Variants in THAP4 observed in about 807,000 individuals in gnomAD.
THAP4 encodes peroxynitrite isomerase THAP4.
THAP4 carries 18 observed loss-of-function variants against 48.1 expected under a neutral mutation model. That is an observed-to-expected ratio of 0.37 (90% CI 0.26 to 0.56). The LOEUF is 0.56. Ranked by LOEUF, THAP4 falls within the 20% of genes least tolerant of loss-of-function variation. The pLI is 0.78. For synonymous variants in THAP4, 345 were observed against 324.9 expected, an observed-to-expected ratio of 1.06 and a Z score of -0.66; for missense variants, 656 against 774.9, an observed-to-expected ratio of 0.85 and a Z score of 1.82.
At chr2:241,630,325 A>G (rs905947495) in intron 2 of THAP4, among the ~76,000 whole-genome samples, 6 of 152,172 alleles carry the variant, frequency 3.9e-5, no homozygotes, top group Admixed American at 1.3e-4. Context: ...CACGCCAGGA[A>G]CCAGAACTAC....
chr2:241,634,215 A>G (rs2067608699), intron 1 of THAP4, 136 bp from the exon 2 acceptor site: 1 of 624,592 alleles, frequency 1.6e-6, no homozygotes, highest in Non-Finnish European at 2.7e-6. Context: ...AAAATACTTC[A>G]AAAAGATTTA....
At position 241,633,937 on chromosome 2, in the gene THAP4, G is replaced by A. The variant is rs1319129523; in HGVS notation, c.220C>T (p.Arg74Cys). ...GGCACGGCCGTGGGCTTCAGCAGGC[G>A]ATGCTGGTCCTCCAGCCTCTTGGAG... ...SFSKRLEDQHRLLKPTAVPSI... is the reference protein window; with the variant it reads ...SFSKRLEDQHCLLKPTAVPSI... Residue 74 changes from arginine (R) to cysteine (C), a missense_variant, in exon 2 of 6, where the codon CGC becomes TGC. Arg to Cys is a radical substitution (Grantham distance 180). Coordinates refer to ENST00000407315, the MANE Select transcript of THAP4 (RefSeq NM_015963.6). The surrounding 1 kb of genome is among the most constrained non-coding windows in gnomAD (Gnocchi z 7.5). The A allele has an allele frequency of 3.1e-6, 5 of 1,614,148 alleles. No individual in the cohort carries two copies. The highest frequency in any genetic ancestry group is 3.4e-6 in the Non-Finnish European group (4 of 1,180,040).
upstream of THAP4, chr2:241,637,284 G>A (rs941869962): frequency 5.5e-5 from 61 of 1,115,488 alleles, no homozygotes; most frequent in Non-Finnish European, 5.9e-5. Flanking sequence ...TCCGTCGGCA[G>A]GCGGGCAGAC....
chr2:241,623,451 G>A (rs34396739), intron 2 of THAP4, among the ~76,000 whole-genome samples: 2 of 151,724 alleles, frequency 1.3e-5, no homozygotes, highest in Admixed American at 6.6e-5. Context: ...ATGGTGGCAC[G>A]CATCTGTAGT....
intron 3 of THAP4, among the ~76,000 whole-genome samples, chr2:241,604,787 G>A (rs2067159103): frequency 1.3e-5 from 2 of 148,480 alleles, no homozygotes; most frequent in African/African-American, 5.0e-5. Flanking sequence ...TGGACTCCTG[G>A]ACTCAAGTGA....
At chr2:241,593,199 C>T (rs1010324762) in intron 5 of THAP4, among the ~76,000 whole-genome samples, 9 of 152,004 alleles carry the variant, frequency 5.9e-5, no homozygotes, top group East Asian at 1.9e-4. Flanking sequence ...GAGCCGAGAT[C>T]GCACTGCTGC....
intron 2 of THAP4, among the ~76,000 whole-genome samples, chr2:241,614,158 A>G (rs1026558218): frequency 8.4e-5 from 12 of 143,596 alleles, no homozygotes; most frequent in Admixed American, 2.8e-4. Flanking sequence ...CTGCCTTGAG[A>G]AAAAAAAAAA....
chr2:241,636,141 T>C (rs142047410), intron 1 of THAP4, among the ~76,000 whole-genome samples: 8,065 of 152,334 alleles, frequency 0.053, 409 homozygotes, highest in African/African-American at 0.13. Flanking sequence ...CTAATTCTTA[T>C]AATACATTGT....
intron 3 of THAP4, among the ~76,000 whole-genome samples, chr2:241,605,850 T>G (rs1165289254): frequency 6.6e-6 from 1 of 152,038 alleles, no homozygotes; most frequent in African/African-American, 2.4e-5. Context: ...CTCGAGTAGC[T>G]GGGACTACAG....
At chr2:241,631,775 A>C (rs549018080) in intron 2 of THAP4, among the ~76,000 whole-genome samples, 1 of 152,274 alleles carries the variant, frequency 6.6e-6, no homozygotes, top group South Asian at 2.1e-4. Flanking sequence ...TACACACCAA[A>C]TTTTTAATAA....
Position 241,633,740 on chromosome 2 carries a change from T to C in THAP4, c.417A>G (p.Pro139=), listed in dbSNP as rs145527554. 15 of 1,612,024 alleles carry C rather than the reference T, an allele frequency of 9.3e-6. No individual in the cohort carries two copies. The African/African-American group carries it at 1.9e-4, about 20-fold the overall frequency. ...PSSSGNPMAK[P]ESRRLKQAAL... is the part of the protein sequence containing the mutation. ...CAGCTTGCTTCAACCTGCGGGACTCTGGCTTGGCCATCGGGTTTCCACTCG... is the reference window on the plus strand; with the variant it reads ...CAGCTTGCTTCAACCTGCGGGACTCCGGCTTGGCCATCGGGTTTCCACTCG... Residue 139 remains proline (P), a synonymous_variant, in exon 2 of 6, where the codon CCA becomes CCG. Coordinates refer to ENST00000407315, the MANE Select transcript of THAP4 (RefSeq NM_015963.6). The surrounding 1 kb of genome is among the most constrained non-coding windows in gnomAD (Gnocchi z 7.5).
chr2:241,629,946 A>G (rs1472151332), intron 2 of THAP4, among the ~76,000 whole-genome samples: 2 of 152,084 alleles, frequency 1.3e-5, no homozygotes, highest in Non-Finnish European at 2.9e-5. Context: ...GGCGGGAACA[A>G]TATAACCAAG....
chr2:241,631,641 T>C (rs2067562814), intron 2 of THAP4, among the ~76,000 whole-genome samples: 1 of 152,074 alleles, frequency 6.6e-6, no homozygotes, highest in African/African-American at 2.4e-5. Context: ...AATTTTTAAA[T>C]TATTTATAGA....
At position 241,619,678 on chromosome 2, in the gene THAP4, AGTGAGGG is replaced by A. The variant is rs1459979020; in HGVS notation, c.1241-13212_1241-13206del. Reference sequence around the variant, plus strand: ...GGGTGAGTTGGTGAGTAAGTTGGTAAGTGAGGGGTGAGGGGTGAGTGAGTCGGTGAGT... The same window carrying A: ...GGGTGAGTTGGTGAGTAAGTTGGTAAGTGAGGGGTGAGTGAGTCGGTGAGT... On this transcript the variant is annotated intron_variant, in intron 2 of 5. Coordinates refer to ENST00000407315, the MANE Select transcript of THAP4 (RefSeq NM_015963.6). 2.8e-4 allele frequency among the ~76,000 whole-genome samples: 42 copies of A among 151,872 alleles called. 2 individuals carry two copies. The highest frequency in any genetic ancestry group is 1.0e-3 in the African/African-American group (42 of 41,398).
At chr2:241,636,612 C>A (rs1384944260) in intron 1 of THAP4, among the ~76,000 whole-genome samples, 2 of 152,188 alleles carry the variant, frequency 1.3e-5, no homozygotes, top group Admixed American at 1.3e-4. Context: ...CCCGCGCGGT[C>A]CGGAGAGTCA....
chr2:241,610,466 C>A lies in THAP4; in HGVS notation c.1241-3993G>T, dbSNP rs1365978772. Among the ~76,000 whole-genome samples the A allele has an allele frequency of 6.6e-6, 1 of 152,296 alleles. No individual in the cohort carries two copies. The highest frequency in any genetic ancestry group is 1.9e-4 in the East Asian group (1 of 5,172). ...GTGGGGCGCGCTCACTGGCTGCCAC[C>A]TCACCTAGCAGGCGTCACAGGGCTC... is the stretch of plus-strand genomic sequence containing the variant. On this transcript the variant is annotated intron_variant, in intron 2 of 5. Coordinates refer to ENST00000407315, the MANE Select transcript of THAP4 (RefSeq NM_015963.6). The surrounding 1 kb of genome is among the most constrained non-coding windows in gnomAD (Gnocchi z 4.2).
intron 5 of THAP4, among the ~76,000 whole-genome samples, chr2:241,595,174 G>A (rs1370573776): frequency 6.6e-6 from 1 of 151,972 alleles, no homozygotes; most frequent in African/African-American, 2.4e-5. Flanking sequence ...CACCACGCCT[G>A]GCTAATTTTT....
At position 241,601,926 on chromosome 2, in the gene THAP4, G is replaced by C. The variant is rs1340703243; in HGVS notation, c.1584C>G (p.Ile528Met). The change falls in exon 5 of 6, where the codon ATC becomes ATG. Residue 528 changes from isoleucine (I) to methionine (M), a missense_variant. By Grantham distance (10) the Ile-to-Met change is conservative. This residue lies in a region of THAP4 where 176 missense variants were observed against 256.7 expected (regional missense o/e 0.69). Coordinates refer to ENST00000407315, the MANE Select transcript of THAP4 (RefSeq NM_015963.6). The surrounding 1 kb of genome is among the most constrained non-coding windows in gnomAD (Gnocchi z 4.0). ...LCIASHSIARISFAKEPHVEQ... is the reference protein window; with the variant it reads ...LCIASHSIARMSFAKEPHVEQ... ...CTACGTGGGGCTCCTTGGCGAAGGA[G>C]ATCCTGGCGATGGAGTGGGATGCGA... The C allele has an allele frequency of 6.2e-7, 1 of 1,613,798 alleles. No homozygotes were observed. Among genetic ancestry groups the C allele is most frequent in the Non-Finnish European group, 8.5e-7 (1 of 1,180,030 alleles).
In THAP4 at chr2:241,617,000, C is replaced by T. The variant is rs146548588; in HGVS notation, c.1241-10527G>A. Among the ~76,000 whole-genome samples, 1,302 of 152,298 alleles carry T rather than the reference C, an allele frequency of 8.5e-3. 11 individuals carry two copies. Among genetic ancestry groups the T allele is most frequent in the Middle Eastern group, 0.017 (5 of 292 alleles). ...CTCCACCACTTCGGGCCGCGTGGAA[C>T]GTGGCAGCAGCCTAGCCACTGTCCC... is the stretch of plus-strand genomic sequence containing the variant. On this transcript the variant is annotated intron_variant, in intron 2 of 5. Coordinates refer to ENST00000407315, the MANE Select transcript of THAP4 (RefSeq NM_015963.6). This position sits in a 1 kb window ranked among gnomAD's most constrained non-coding sequence, Gnocchi z 4.6.
Sources: gnomAD v4.1 joint callset for allele counts (sites outside exome capture counted in the v4.1 genomes callset) on GRCh38, gnomAD v4.1.1 for gene constraint, gnomAD v4.1.1 regional missense constraint, Gnocchi (gnomAD v3.1) non-coding constraint, MANE v1.5 for transcripts, NCBI Gene and HGNC (gene_info 2026-07-23, HGNC 2026-07-21) for gene names.